The following TBC1D1 variants were observed in gnomAD, a reference collection of about 807,000 sequenced individuals.
TBC1D1 encodes the protein TBC1 domain family member 1, also known as TBC1 (tre-2/USP6, BUB2, cdc16) domain family, member 1.
In TBC1D1, 89 loss-of-function variants were observed where a neutral mutation model predicts 125.6. The observed-to-expected ratio is 0.71, with a 90% CI of 0.60 to 0.85. The LOEUF is 0.85. TBC1D1 is among the 40% of genes least tolerant of loss of function. The probability of loss-of-function intolerance (pLI) is 0.00; values close to 1 mark genes in which losing one functional copy is unlikely to be tolerated. For synonymous variants in TBC1D1, 565 were observed against 564.1 expected, an observed-to-expected ratio of 1.00 and a Z score of -0.02; for missense variants, 1,377 against 1,469.2, an observed-to-expected ratio of 0.94 and a Z score of 1.03.
At chr4:37,928,532 C>T (rs1305578865) in intron 2 of TBC1D1, among the ~76,000 whole-genome samples, 1 of 152,156 alleles carries the variant, frequency 6.6e-6, no homozygotes, top group Non-Finnish European at 1.5e-5. Context: ...ATCCACTGCT[C>T]TGTTTTGCTT....
Position 38,095,963 on chromosome 4 carries a change from G to T in TBC1D1, c.2271G>T (p.Lys757Asn). ...ATGATTTGCTGAACAAGCGCCTGAA[G>T]CTCGATTATGAAGAAATTACTCCCT... Residue 757 changes from lysine to asparagine, a missense_variant, in exon 14 of 20, where the codon AAG becomes AAT. This residue lies in a region of TBC1D1 where 543 missense variants were observed against 613.5 expected (regional missense o/e 0.89). Coordinates refer to ENST00000261439, the MANE Select transcript of TBC1D1 (RefSeq NM_015173.4). 1 of 1,613,924 alleles carries T rather than the reference G, an allele frequency of 6.2e-7. No homozygotes were observed. Among genetic ancestry groups the T allele is most frequent in the South Asian group, 1.1e-5 (1 of 91,056 alleles).
chr4:38,043,025 CTGAG>C (rs1748690363), intron 8 of TBC1D1, among the ~76,000 whole-genome samples: 2 of 152,054 alleles, frequency 1.3e-5, no homozygotes, highest in Non-Finnish European at 2.9e-5. Context: ...CCTCAGCCTC[CTGAG>C]TAACTGGGAT....
At chr4:37,905,490 C>T (rs936737663) in intron 2 of TBC1D1, among the ~76,000 whole-genome samples, 1 of 152,146 alleles carries the variant, frequency 6.6e-6, no homozygotes. Context: ...AGGTGGATGC[C>T]TAATGATTTC....
At chr4:38,055,760 C>G (rs1214112473) in intron 12 of TBC1D1, among the ~76,000 whole-genome samples, 1 of 152,180 alleles carries the variant, frequency 6.6e-6, no homozygotes, top group Non-Finnish European at 1.5e-5. Context: ...TTCCCCTGCC[C>G]CGTGGAGAGG....
At chr4:38,078,810 C>T (rs527808442) in intron 12 of TBC1D1, among the ~76,000 whole-genome samples, 1 of 152,344 alleles carries the variant, frequency 6.6e-6, no homozygotes, top group South Asian at 2.1e-4. Context: ...GCTCCATTCT[C>T]CACTCCCTGG....
chr4:38,027,766 CCT>C lies in TBC1D1; in HGVS notation c.1211-17_1211-16del. Reference sequence around the variant, plus strand: ...AACTTTTATATAGAATTTTTTCATGCCTCTCTTTTTTCTCTTAATAGGAATGA... The same window carrying C: ...AACTTTTATATAGAATTTTTTCATGCCTCTTTTTTCTCTTAATAGGAATGA... On this transcript the variant is annotated intron_variant, in intron 6 of 19. Transcript: ENST00000261439. 1 of 1,563,430 alleles carries C rather than the reference CCT, an allele frequency of 6.4e-7. No individual in the cohort carries two copies. The highest frequency in any genetic ancestry group is 1.8e-5 in the Admixed American group (1 of 57,092).
intron 15 of TBC1D1, among the ~76,000 whole-genome samples, chr4:38,104,324 G>A (rs1433049038): frequency 6.6e-6 from 1 of 152,196 alleles, no homozygotes; most frequent in Non-Finnish European, 1.5e-5. Context: ...GTATTGGATA[G>A]ATTTGCAGTT....
intron 2 of TBC1D1, among the ~76,000 whole-genome samples, chr4:37,988,463 A>G (rs892998955): frequency 6.6e-6 from 1 of 152,206 alleles, no homozygotes; most frequent in Non-Finnish European, 1.5e-5. Context: ...GTGTTCATCC[A>G]TTAAAGGGGG....
chr4:38,112,898 C>G (rs910666339), intron 15 of TBC1D1, among the ~76,000 whole-genome samples: 1 of 152,162 alleles, frequency 6.6e-6, no homozygotes, highest in African/African-American at 2.4e-5. Flanking sequence ...CTGGTTGAAC[C>G]TTTCTCGAGA....
chr4:37,981,581 G>A (rs1734342995), intron 2 of TBC1D1, among the ~76,000 whole-genome samples: 1 of 152,176 alleles, frequency 6.6e-6, no homozygotes, highest in African/African-American at 2.4e-5. Context: ...TCCGGGCTGG[G>A]GTGGTGCAGG....
At chr4:38,051,107 C>G (rs1419914082) in intron 11 of TBC1D1, among the ~76,000 whole-genome samples, 1 of 152,230 alleles carries the variant, frequency 6.6e-6, no homozygotes, top group Non-Finnish European at 1.5e-5. Flanking sequence ...ACATTCCTGT[C>G]TGGAGAGTCC....
Position 38,035,663 on chromosome 4 carries a change from C to T in TBC1D1, c.1378C>T (p.Gln460Ter). The change falls in exon 8 of 20, where the codon CAG becomes TAG. Residue 460 changes from glutamine (Q) to a stop codon, truncating the protein, a stop_gained. Transcript: ENST00000261439. LOFTEE classifies it high-confidence loss of function. ...TCTGAGATGTTTATATGAAGAGAAA[C>T]AGAAAGAACACATCCATATTGGGGA... 1 of 1,613,368 alleles carries T rather than the reference C, an allele frequency of 6.2e-7. No individual in the cohort carries two copies.
chr4:37,986,832 G>A (rs1291367555), intron 2 of TBC1D1, among the ~76,000 whole-genome samples: 1 of 142,136 alleles, frequency 7.0e-6, no homozygotes, highest in Non-Finnish European at 1.5e-5. Flanking sequence ...GAGTAGTCGG[G>A]TTGGGGTGGG....
chr4:37,947,897 A>AT (rs1444164516), intron 2 of TBC1D1, among the ~76,000 whole-genome samples: 2 of 152,100 alleles, frequency 1.3e-5, no homozygotes, highest in African/African-American at 2.4e-5. Flanking sequence ...AAAAAAAAAA[A>AT]GTTAAAACAA....
intron 2 of TBC1D1, among the ~76,000 whole-genome samples, 169 bp downstream of exon 2, chr4:37,902,681 A>G (rs2995921): frequency 0.67 from 101,564 of 152,180 alleles, 34,708 homozygotes; most frequent in African/African-American, 0.84. Context: ...TTATAGTTTT[A>G]AAGCACATTT....
At chr4:38,044,593 A>G in intron 9 of TBC1D1, 103 bp downstream of exon 9, 1 of 1,258,898 alleles carries the variant, frequency 7.9e-7, no homozygotes, top group Non-Finnish European at 1.1e-6. Context: ...ATAAAGGTAA[A>G]AGTATAAAAC....
chr4:38,042,337 C>G (rs970029586), intron 8 of TBC1D1, among the ~76,000 whole-genome samples: 1 of 152,094 alleles, frequency 6.6e-6, no homozygotes, highest in African/African-American at 2.4e-5. Flanking sequence ...TCACTGCAAT[C>G]TCTGCCTCCT....
chr4:38,014,980 T>C lies in TBC1D1; in HGVS notation c.882+7T>C. The C allele has an allele frequency of 6.6e-7, 1 of 1,524,296 alleles. No homozygotes were observed. Among genetic ancestry groups the C allele is most frequent in the Non-Finnish European group, 8.8e-7 (1 of 1,133,624 alleles). 94.4% of individuals were successfully genotyped at this position (1,524,296 alleles called of 1,614,324 possible). A position where few individuals can be genotyped will look rare whatever the true frequency, so the allele number is the denominator to read the frequency against. Reference sequence around the variant, plus strand: ...TCGAACTATGCTCTTCACGGTAAAATATCACCCAGCTCGTGCACAGCCCCA... The same window carrying C: ...TCGAACTATGCTCTTCACGGTAAAACATCACCCAGCTCGTGCACAGCCCCA... On this transcript the variant is annotated splice_region_variant and intron_variant, in intron 3 of 19. Coordinates refer to ENST00000261439, the MANE Select transcript of TBC1D1 (RefSeq NM_015173.4). The surrounding 1 kb of genome is among the most constrained non-coding windows in gnomAD (Gnocchi z 5.1).
At chr4:37,929,396 A>T (rs143389122) in intron 2 of TBC1D1, among the ~76,000 whole-genome samples, 312 of 152,360 alleles carry the variant, frequency 2.0e-3, no homozygotes, top group African/African-American at 7.0e-3. Flanking sequence ...TTATATCAGC[A>T]GTTTCAAAAT....
Sources: allele counts gnomAD v4.1 joint callset (sites outside exome capture counted in the v4.1 genomes callset), GRCh38; gene constraint gnomAD v4.1.1; regional missense constraint gnomAD v4.1.1; non-coding constraint Gnocchi (gnomAD v3.1); transcripts MANE v1.5; gene names NCBI Gene and HGNC (gene_info 2026-07-23, HGNC 2026-07-21).